The following OR6N1 variants were observed in gnomAD, a reference collection of about 807,000 sequenced individuals.
The protein encoded by OR6N1 is olfactory receptor 6N1.
For missense variants in OR6N1, 394 were observed against 371.7 expected (o/e 1.06, Z -0.49); for synonymous variants, 170 against 150.7 (o/e 1.13, Z -0.94).
At chr1:158,799,914 T>A in the OR6N1 span, among the ~76,000 whole-genome samples, 2 of 152,114 alleles carry the variant, frequency 1.3e-5, no homozygotes, top group African/African-American at 4.8e-5. Flanking sequence ...ACTCATTGTA[T>A]CTGCTTTCCC....
chr1:158,775,501 T>G (rs1657569628), upstream of OR6N1: 1 of 152,180 alleles, frequency 6.6e-6, no homozygotes, highest in Non-Finnish European at 1.5e-5. Flanking sequence ...AGGCTTTGAA[T>G]TTTATCTTAA....
chr1:158,800,644 A>G, the OR6N1 span, among the ~76,000 whole-genome samples: 1 of 152,150 alleles, frequency 6.6e-6, no homozygotes, highest in Non-Finnish European at 1.5e-5. Flanking sequence ...GCTACTCCAC[A>G]CACATTGTTC....
the OR6N1 span, among the ~76,000 whole-genome samples, chr1:158,817,723 A>G: frequency 3.5e-4 from 53 of 152,290 alleles, no homozygotes; most frequent in South Asian, 0.011. Flanking sequence ...TCTGAAAAGG[A>G]AAATACAGTC....
rs754209718 is a variant in OR6N1 at position 158,766,094 on chromosome 1, G to A, written c.589C>T (p.Leu197=). 2 of 1,614,092 alleles carry A rather than the reference G, an allele frequency of 1.2e-6. No homozygotes were observed. Among genetic ancestry groups the A allele is most frequent in the Non-Finnish European group, 1.7e-6 (2 of 1,179,974 alleles). ...CAGGAATTTATAACAAAATCTACTA[G>A]GACATTTATAGACGTATCAGTGCAA... ...LACTDTSINV[L]VDFVINSCKI... Residue 197 remains leucine (L), a synonymous_variant, in exon 2 of 2, where the codon CTA becomes TTA. Coordinates refer to ENST00000641846, the MANE Select transcript of OR6N1 (RefSeq NM_001005185.2).
At position 158,765,143 on chromosome 1, in the gene OR6N1, G is replaced by A. The variant is rs566625875; in HGVS notation, c.*601C>T. On this transcript the variant is annotated 3_prime_UTR_variant, in exon 2 of 2. Coordinates refer to ENST00000641846, the MANE Select transcript of OR6N1 (RefSeq NM_001005185.2). ...TGCACTGTGGTTTACAAATCTTAAC[G>A]TTAATATTCAAAACACTCTTCAAGA... 14 of 152,058 alleles carry A rather than the reference G, an allele frequency of 9.2e-5. No individual in the cohort carries two copies. In the East Asian group the frequency reaches 1.4e-3, roughly 15 times the overall value. 9.4% of individuals were successfully genotyped at this position (152,058 alleles called of 1,614,324 possible). A position where few individuals can be genotyped will look rare whatever the true frequency, so the allele number is the denominator to read the frequency against.
the OR6N1 span, among the ~76,000 whole-genome samples, chr1:158,826,442 C>T: frequency 6.6e-6 from 1 of 151,992 alleles, no homozygotes; most frequent in Non-Finnish European, 1.5e-5. Flanking sequence ...TCTGCATGCT[C>T]GATTGTATTT....
At chr1:158,777,174 C>G, upstream of OR6N1, 1 of 1,614,036 alleles carries the variant, frequency 6.2e-7, no homozygotes, top group South Asian at 1.1e-5. Flanking sequence ...AAATGGGACA[C>G]AGGAAGCCAC....
the OR6N1 span, among the ~76,000 whole-genome samples, chr1:158,801,780 C>A: frequency 6.6e-6 from 1 of 152,082 alleles, no homozygotes; most frequent in South Asian, 2.1e-4. Context: ...CTGGAGTTTT[C>A]TTTCCATATT....
At chr1:158,836,655 A>T in the OR6N1 span, among the ~76,000 whole-genome samples, 793 of 151,734 alleles carry the variant, frequency 5.2e-3, 14 homozygotes, top group East Asian at 0.025. Context: ...AGTATTATTC[A>T]CATTTTCAGA....
Position 158,765,722 on chromosome 1 carries a change from T to C in OR6N1, c.*22A>G, listed in dbSNP as rs751424784. The stretch of plus-strand genomic sequence containing the variant: ...GGCCACCATATCCTCAGGCCCGGCC[T>C]TGGCCTACTCTCAGCCCCAACTCAT... On this transcript the variant is annotated 3_prime_UTR_variant, in exon 2 of 2. Coordinates refer to ENST00000641846, the MANE Select transcript of OR6N1 (RefSeq NM_001005185.2). 1.3e-6 allele frequency: 2 copies of C among 1,589,694 alleles called. No individual in the cohort carries two copies. The highest frequency in any genetic ancestry group is 1.7e-6 in the Non-Finnish European group (2 of 1,160,772).
chr1:158,839,066 G>C, the OR6N1 span, among the ~76,000 whole-genome samples: 1 of 152,048 alleles, frequency 6.6e-6, no homozygotes, highest in South Asian at 2.1e-4. Context: ...AAGAAAGTCT[G>C]AGGGCTGTGT....
At chr1:158,799,559 A>G in the OR6N1 span, among the ~76,000 whole-genome samples, 1 of 152,182 alleles carries the variant, frequency 6.6e-6, no homozygotes, top group African/African-American at 2.4e-5. Context: ...AATCTTTTGG[A>G]TTAAGTTTAG....
the OR6N1 span, among the ~76,000 whole-genome samples, chr1:158,835,619 GGC>G: frequency 0.22 from 17,306 of 78,280 alleles, 1,567 homozygotes; most frequent in East Asian, 0.46. Context: ...TTTTGGTGGG[GGC>G]GGGGGGTGGG....
the OR6N1 span, among the ~76,000 whole-genome samples, chr1:158,820,138 C>T: frequency 6.6e-6 from 1 of 152,200 alleles, no homozygotes; most frequent in Non-Finnish European, 1.5e-5. Flanking sequence ...GTCCTTAAGG[C>T]ACAGATCACT....
chr1:158,837,843 A>ATTT, the OR6N1 span, among the ~76,000 whole-genome samples: 1 of 150,230 alleles, frequency 6.7e-6, no homozygotes, highest in Non-Finnish European at 1.5e-5. Context: ...GTAGTGAAAC[A>ATTT]TTTTTATGTT....
rs778990811 is a variant in OR6N1 at position 158,766,575 on chromosome 1, G to A, written c.108C>T (p.Leu36=). 3 of 1,614,076 alleles carry A rather than the reference G, an allele frequency of 1.9e-6. No individual in the cohort carries two copies. The highest frequency in any genetic ancestry group is 8.5e-7 in the Non-Finnish European group (1 of 1,179,990). ...TCAGCAGGTTTCCCAACACAGTCATGAGGTAAATGAGAAGCAACAAGAGGA... is the reference window on the plus strand; with the variant it reads ...TCAGCAGGTTTCCCAACACAGTCATAAGGTAAATGAGAAGCAACAAGAGGA... ...YLFLLLLLIY[L]MTVLGNLLIF... The change falls in exon 2 of 2, where the codon CTC becomes CTT. Residue 36 remains leucine (L), a synonymous_variant. Transcript: ENST00000641846.
the OR6N1 span, among the ~76,000 whole-genome samples, chr1:158,804,946 C>T: frequency 3.3e-5 from 5 of 151,950 alleles, no homozygotes; most frequent in African/African-American, 1.2e-4. Flanking sequence ...CTCAAATCAC[C>T]TGATTATTTT....
the OR6N1 span, chr1:158,777,228 C>A: frequency 6.2e-7 from 1 of 1,613,972 alleles, no homozygotes; most frequent in South Asian, 1.1e-5. Flanking sequence ...GTGTGGTGGT[C>A]ATAATTATAG....
At chr1:158,826,967 C>T in the OR6N1 span, among the ~76,000 whole-genome samples, 3 of 152,076 alleles carry the variant, frequency 2.0e-5, no homozygotes, top group Admixed American at 1.3e-4. Flanking sequence ...AACAAAGAAT[C>T]ACTTTATCCA....
Sources: gnomAD v4.1 joint callset for allele counts (sites outside exome capture counted in the v4.1 genomes callset) on GRCh38, gnomAD v4.1.1 for gene constraint, MANE v1.5 for transcripts, NCBI Gene and HGNC (gene_info 2026-07-23, HGNC 2026-07-21) for gene names.